RERE: variants seen among roughly 807,000 people sequenced by gnomAD.
RERE encodes arginine-glutamic acid dipeptide repeats, also known as arginine-glutamic acid dipeptide repeats protein.
In RERE, 40 loss-of-function variants were observed where a neutral mutation model predicts 146.1. That is an observed-to-expected ratio of 0.27 (90% CI 0.21 to 0.36). The LOEUF (loss-of-function observed/expected upper bound fraction) is 0.36. Ranked by LOEUF, RERE falls within the 10% of genes least tolerant of loss-of-function variation. The pLI is 1.00. For missense variants in RERE, 1,933 were observed against 2,138.7 expected (o/e 0.90, Z 1.90); for synonymous variants, 1,003 against 866.0 (o/e 1.16, Z -2.78).
intron 1 of RERE, among the ~76,000 whole-genome samples, chr1:8,766,291 CGCACTTGG>C (rs1216962035): frequency 6.6e-6 from 1 of 151,872 alleles, no homozygotes; most frequent in African/African-American, 2.4e-5. Context: ...CTATAATCCC[CGCACTTGG>C]GAGGCCAAGG....
intron 4 of RERE, among the ~76,000 whole-genome samples, chr1:8,576,126 A>G (rs1269989907): frequency 6.6e-6 from 1 of 152,148 alleles, no homozygotes. Flanking sequence ...GGGCTACATC[A>G]GAAAATGTCC....
intron 13 of RERE, 49 bp downstream of exon 13, chr1:8,365,763 C>T (rs760996184): frequency 2.2e-5 from 36 of 1,600,058 alleles, no homozygotes; most frequent in South Asian, 3.3e-5. Context: ...ACAGGCTGCC[C>T]GTGAACAGTC....
chr1:8,658,573 C>T (rs527828773), intron 1 of RERE, among the ~76,000 whole-genome samples: 18 of 151,874 alleles, frequency 1.2e-4, no homozygotes, highest in African/African-American at 3.4e-4. Context: ...CTGGCTAACA[C>T]GGTGAAACCC....
intron 1 of RERE, among the ~76,000 whole-genome samples, chr1:8,738,013 T>TATTC (rs1640234416): frequency 6.6e-6 from 1 of 152,332 alleles, no homozygotes; most frequent in East Asian, 1.9e-4. Flanking sequence ...AATAAACAGC[T>TATTC]ATTCAGAAAG....
At position 8,360,865 on chromosome 1, in the gene RERE, C is replaced by T. The variant is rs1641542799; in HGVS notation, c.2642G>A (p.Gly881Asp). 1 of 1,528,760 alleles carries T rather than the reference C, an allele frequency of 6.5e-7. No individual in the cohort carries two copies. The highest frequency in any genetic ancestry group is 8.7e-7 in the Non-Finnish European group (1 of 1,143,692). The allele number at this position is 1,528,760 out of a possible 1,614,324, so 94.7% of individuals were successfully genotyped here. A position where few individuals can be genotyped will look rare whatever the true frequency, so the allele number is the denominator to read the frequency against. ...PFGLPPQASQGQAPLGTSPAA... is the reference protein window; with the variant it reads ...PFGLPPQASQDQAPLGTSPAA... ...TGGGGAGGTCCCCAGAGGGGCCTGG[C>T]CTTGGGAGGCCTGGGGAGGGAGGCC... Residue 881 changes from glycine (G) to aspartate (D), a missense_variant, in exon 18 of 23, where the codon GGC becomes GAC. Physicochemically the swap from Gly to Asp is moderately conservative, Grantham distance 94. Transcript: ENST00000400908.
intron 11 of RERE, among the ~76,000 whole-genome samples, chr1:8,445,787 C>CAT (rs890632480): frequency 1.3e-4 from 20 of 152,008 alleles, no homozygotes; most frequent in African/African-American, 4.8e-4. Context: ...CCATCATCTA[C>CAT]ATTAGGTATT....
In RERE at chr1:8,355,089, A is replaced by G; in HGVS notation, c.4699T>C (p.Ter1567GlnextTer25). 6.2e-7 allele frequency: 1 copy of G among 1,613,834 alleles called. No homozygotes were observed. The highest frequency in any genetic ancestry group is 8.5e-7 in the Non-Finnish European group (1 of 1,179,792). Residue 1567 changes from the stop codon to glutamine, a stop_lost, in exon 23 of 23, where the codon TAA becomes CAA. Transcript: ENST00000400908. ...GCCAGCGTTAACAAATAAATAACTT[A>G]TAACTGCTTGTCACCTTCTTTCTTC... ...RLKKEGDKQL[*>Q] is the part of the protein sequence containing the mutation.
Position 8,360,750 on chromosome 1 carries a change from T to G in RERE, c.2757A>C (p.Pro919=). The G allele has an allele frequency of 6.3e-7, 1 of 1,599,120 alleles. No individual in the cohort carries two copies. The highest frequency in any genetic ancestry group is 1.1e-5 in the South Asian group (1 of 90,124). The change falls in exon 18 of 23, where the codon CCA becomes CCC. Residue 919 remains proline (P), a synonymous_variant. Coordinates refer to ENST00000400908, the MANE Select transcript of RERE (RefSeq NM_001042681.2). ...SQQPPREQPL[P]PAPLAMPHIK... is the part of the protein sequence containing the mutation. Reference sequence around the variant, plus strand: ...TGTGGGGCATGGCCAAGGGCGCTGGTGGCAGGGGCTGCTCCCGTGGAGGCT... The same window carrying G: ...TGTGGGGCATGGCCAAGGGCGCTGGGGGCAGGGGCTGCTCCCGTGGAGGCT...
chr1:8,560,708 A>G (rs559629728), intron 4 of RERE, among the ~76,000 whole-genome samples: 1 of 152,346 alleles, frequency 6.6e-6, no homozygotes, highest in African/African-American at 2.4e-5. Context: ...CTCTATTGGT[A>G]GGTGATTGTA....
rs1043594868 is a variant in RERE at position 8,422,216 on chromosome 1, G to C, written c.1284+511C>G. Among the ~76,000 whole-genome samples the C allele has an allele frequency of 4.6e-5, 7 of 152,218 alleles. No homozygotes were observed. In the East Asian group the frequency reaches 9.6e-4, roughly 21 times the overall value. On this transcript the variant is annotated intron_variant, in intron 12 of 22. Transcript: ENST00000400908. ...GATCCCCTTGTACATCTGTCCAGTG[G>C]AAAGTGCAAACTCTCAGGGATAGAA...
chr1:8,739,869 AATAAT>A (rs1422726570), intron 1 of RERE, among the ~76,000 whole-genome samples: 3 of 149,746 alleles, frequency 2.0e-5, no homozygotes, highest in East Asian at 1.9e-4. Flanking sequence ...TTATATAATA[AATAAT>A]ATATTATTGT....
chr1:8,577,968 G>C (rs1022639584), intron 4 of RERE, among the ~76,000 whole-genome samples: 1 of 152,132 alleles, frequency 6.6e-6, no homozygotes, highest in African/African-American at 2.4e-5. Context: ...GCGGGCGCCT[G>C]TAGTCCCAGC....
At chr1:8,794,980 T>TTGTTGGAGC (rs1641440230) in intron 1 of RERE, among the ~76,000 whole-genome samples, 5 of 152,016 alleles carry the variant, frequency 3.3e-5, no homozygotes, top group Non-Finnish European at 7.4e-5. Flanking sequence ...GCCCAGCTAA[T>TTGTTGGAGC]ATTTTTTATT....
intron 1 of RERE, among the ~76,000 whole-genome samples, chr1:8,694,592 C>G (rs1639280122): frequency 1.3e-5 from 2 of 151,984 alleles, no homozygotes; most frequent in African/African-American, 4.8e-5. Context: ...AACCCCATCT[C>G]TACTAAAAAT....
chr1:8,606,535 T>C (rs1056923097), intron 4 of RERE, among the ~76,000 whole-genome samples: 6 of 152,202 alleles, frequency 3.9e-5, no homozygotes, highest in Admixed American at 6.5e-5. Context: ...TTTGGTTACT[T>C]CAGCTATTAA....
chr1:8,368,249 C>A (rs1408034981), intron 12 of RERE, among the ~76,000 whole-genome samples: 1 of 152,062 alleles, frequency 6.6e-6, no homozygotes, highest in Non-Finnish European at 1.5e-5. Flanking sequence ...GCAGGCGGAT[C>A]ACCTGAGGTC....
At chr1:8,722,229 C>T (rs1433720063) in intron 1 of RERE, among the ~76,000 whole-genome samples, 3 of 152,186 alleles carry the variant, frequency 2.0e-5, no homozygotes, top group Non-Finnish European at 4.4e-5. Context: ...ACAGGTCTTC[C>T]TGCCTCAACC....
Position 8,478,050 on chromosome 1 carries a change from C to T in RERE, c.1105-12027G>A, listed in dbSNP as rs1044464346. 4.6e-5 allele frequency among the ~76,000 whole-genome samples: 7 copies of T among 152,318 alleles called. No individual in the cohort carries two copies. The East Asian group carries it at 1.3e-3, about 29-fold the overall frequency. The stretch of plus-strand genomic sequence containing the variant: ...AAAGGCCCTGGAGAGCCAGGAAGCT[C>T]CCACTCTGAGCTTTAGACACTTAGT... On this transcript the variant is annotated intron_variant, in intron 10 of 22. Coordinates refer to ENST00000400908, the MANE Select transcript of RERE (RefSeq NM_001042681.2).
At chr1:8,476,772 C>T (rs556554494) in intron 10 of RERE, among the ~76,000 whole-genome samples, 4 of 152,294 alleles carry the variant, frequency 2.6e-5, no homozygotes, top group South Asian at 2.1e-4. Flanking sequence ...CGAGGCAGGG[C>T]GGACCTGCGT....
Sources: allele counts gnomAD v4.1 joint callset (sites outside exome capture counted in the v4.1 genomes callset), GRCh38; gene constraint gnomAD v4.1.1; transcripts MANE v1.5; gene names NCBI Gene and HGNC (gene_info 2026-07-23, HGNC 2026-07-21).